ZNF713: variants seen among roughly 807,000 people sequenced by gnomAD.
The protein encoded by ZNF713 is zinc finger protein 713.
Under a neutral mutation model 28.7 loss-of-function variants are expected in ZNF713, and 21 were observed. The ratio of observed to expected loss-of-function variants is 0.73; its 90% confidence interval spans 0.52 to 1.05. ZNF713 has a LOEUF of 1.05. ZNF713 is among the 50% of genes least tolerant of loss of function. The probability of loss-of-function intolerance (pLI) is 0.00; values close to 1 mark genes in which losing one functional copy is unlikely to be tolerated. For synonymous variants in ZNF713, 167 were observed against 178.0 expected, an observed-to-expected ratio of 0.94 and a Z score of 0.49; for missense variants, 458 against 532.4, an observed-to-expected ratio of 0.86 and a Z score of 1.37.
Position 55,939,459 on chromosome 7 carries a change from AGT to A in ZNF713, c.789_790del (p.Cys263TrpfsTer11). On this transcript the variant is annotated frameshift_variant, in exon 7 of 7. Transcript: ENST00000429591. LOFTEE classifies it high-confidence loss of function. ...ATTCATACTGCAGAGAAACCCAGTGAGTGTGGGAAGGCCTTCAGCCACACCTC... is the reference window on the plus strand; with the variant it reads ...ATTCATACTGCAGAGAAACCCAGTGAGTGGGAAGGCCTTCAGCCACACCTC... 1 of 1,614,140 alleles carries A rather than the reference AGT, an allele frequency of 6.2e-7. No homozygotes were observed. The highest frequency in any genetic ancestry group is 2.2e-5 in the East Asian group (1 of 44,888).
intron 2 of ZNF713, among the ~76,000 whole-genome samples, chr7:55,910,945 G>A (rs1409183969): frequency 2.6e-5 from 4 of 152,148 alleles, no homozygotes. Context: ...CCCATCTTGG[G>A]GAAAAACCCG....
chr7:55,937,409 CAG>C (rs1562750377), intron 6 of ZNF713, among the ~76,000 whole-genome samples: 5 of 152,102 alleles, frequency 3.3e-5, no homozygotes, highest in African/African-American at 1.2e-4. Context: ...AGAGTAGAGG[CAG>C]AGAGACTCAT....
chr7:55,887,995 T>C (rs1785310201), intron 1 of ZNF713, among the ~76,000 whole-genome samples: 2 of 151,648 alleles, frequency 1.3e-5, no homozygotes, highest in African/African-American at 4.8e-5. Context: ...TTTGGTCTTT[T>C]ATAGGAAGGT....
rs2116139843 is a variant in ZNF713, at chr7:55,887,562, C to T, written c.-701C>T. The T allele has an allele frequency of 5.5e-6, 1 of 183,214 alleles. No individual in the cohort carries two copies. Among genetic ancestry groups the T allele is most frequent in the Non-Finnish European group, 1.1e-5 (1 of 91,556 alleles). 11.3% of individuals were successfully genotyped at this position (183,214 alleles called of 1,614,324 possible). On this transcript the variant is annotated 5_prime_UTR_variant, in exon 1 of 7. Transcript: ENST00000429591. Reference sequence around the variant, plus strand: ...AGTCACCGGGCGTCATTGGCTCAGGCTGCGGGGCCCTCGGCACCTTCTCCC... The same window carrying T: ...AGTCACCGGGCGTCATTGGCTCAGGTTGCGGGGCCCTCGGCACCTTCTCCC...
At chr7:55,899,739 C>CT (rs1785539496) in intron 1 of ZNF713, among the ~76,000 whole-genome samples, 2 of 151,584 alleles carry the variant, frequency 1.3e-5, no homozygotes, top group Non-Finnish European at 2.9e-5. Context: ...AGTATATATT[C>CT]TTTTTTTGTT....
intron 4 of ZNF713, among the ~76,000 whole-genome samples, chr7:55,916,941 G>A (rs1376302974): frequency 1.3e-5 from 2 of 152,188 alleles, no homozygotes; most frequent in East Asian, 1.9e-4. Flanking sequence ...GCGGCCGGGC[G>A]CAGTGGCTCA....
At chr7:55,925,915 C>T (rs1428506750) in intron 6 of ZNF713, among the ~76,000 whole-genome samples, 1 of 152,162 alleles carries the variant, frequency 6.6e-6, no homozygotes, top group Non-Finnish European at 1.5e-5. Flanking sequence ...CAGAGCTATT[C>T]CTTCCCCCAG....
At chr7:55,938,923 C>T in intron 6 of ZNF713, 59 bp from the exon 7 acceptor site, 1 of 1,487,786 alleles carries the variant, frequency 6.7e-7, no homozygotes, top group Middle Eastern at 1.8e-4. Context: ...ATTTCTTTTT[C>T]AAATCATAGA....
chr7:55,903,659 T>C (rs1785619051), intron 1 of ZNF713, among the ~76,000 whole-genome samples: 1 of 137,074 alleles, frequency 7.3e-6, no homozygotes, highest in Non-Finnish European at 1.5e-5. Flanking sequence ...AGAGCCAGAC[T>C]GTGTCTTAAA....
In ZNF713 at chr7:55,939,923, A is replaced by T. The variant is rs745568229; in HGVS notation, c.1249A>T (p.Arg417Trp). 1 of 1,613,666 alleles carries T rather than the reference A, an allele frequency of 6.2e-7. No homozygotes were observed. Reference protein sequence around the residue: ...FSQSAHLNQHRKIHTREKLCE... With the variant: ...FSQSAHLNQHWKIHTREKLCE... Reference sequence around the variant, plus strand: ...CCAGAGTGCACACCTTAATCAACACAGGAAAATCCATACTCGGGAGAAATT... The same window carrying T: ...CCAGAGTGCACACCTTAATCAACACTGGAAAATCCATACTCGGGAGAAATT... The change falls in exon 7 of 7, where the codon AGG (arginine) becomes TGG (tryptophan). Residue 417 changes from arginine (R) to tryptophan (W), a missense_variant. Physicochemically the swap from Arg to Trp is moderately radical, Grantham distance 101. Coordinates refer to ENST00000429591, the MANE Select transcript of ZNF713 (RefSeq NM_182633.3).
chr7:55,927,969 A>G (rs1584315971), intron 6 of ZNF713, among the ~76,000 whole-genome samples: 1 of 140,168 alleles, frequency 7.1e-6, no homozygotes, highest in South Asian at 2.5e-4. Context: ...GTGGGATTAG[A>G]GGGAAGGACA....
chr7:55,888,293 C>A (rs560897537), intron 1 of ZNF713, among the ~76,000 whole-genome samples: 5 of 152,118 alleles, frequency 3.3e-5, no homozygotes, highest in African/African-American at 1.2e-4. Flanking sequence ...CATTGCCTTG[C>A]TGTTATCCGT....
chr7:55,912,864 C>T lies in ZNF713; in HGVS notation c.87+141C>T. The T allele has an allele frequency of 4.7e-6, 3 of 644,918 alleles. No homozygotes were observed. The South Asian group carries it at 6.1e-5, about 13-fold the overall frequency. The allele number at this position is 644,918 out of a possible 1,614,324, so 39.9% of individuals were successfully genotyped here. A position where few individuals can be genotyped will look rare whatever the true frequency, so the allele number is the denominator to read the frequency against. The stretch of plus-strand genomic sequence containing the variant: ...GTGACAGATGATATACTCTCCACAG[C>T]ATGTTTTCCATTCACCTATGTAGCT... On this transcript the variant is annotated intron_variant, in intron 4 of 6. Transcript: ENST00000429591.
chr7:55,912,605 A>G (rs950242015), intron 3 of ZNF713, 30 bp from the exon 4 acceptor site: 17 of 1,506,868 alleles, frequency 1.1e-5, no homozygotes, highest in African/African-American at 9.6e-5. Flanking sequence ...TTCGTGTCAT[A>G]TATTAACAAG....
In ZNF713 at chr7:55,888,264, A is replaced by G. The variant is rs375253370; in HGVS notation, c.-583+584A>G. The stretch of plus-strand genomic sequence containing the variant: ...TGATATTTGTGGTAAGGGGTTAGGT[A>G]GAGATTACCTTTTTCTCTCATTGCC... On this transcript the variant is annotated intron_variant, in intron 1 of 6. Coordinates refer to ENST00000429591, the MANE Select transcript of ZNF713 (RefSeq NM_182633.3). Among the ~76,000 whole-genome samples the G allele has an allele frequency of 1.9e-4, 29 of 152,280 alleles. No individual in the cohort carries two copies. In the East Asian group the frequency reaches 3.5e-3, roughly 18 times the overall value.
chr7:55,904,463 TA>T (rs71015118), intron 1 of ZNF713, among the ~76,000 whole-genome samples: 2,829 of 41,284 alleles, frequency 0.069, 175 homozygotes, highest in African/African-American at 0.22. Flanking sequence ...ACTGTATCTT[TA>T]AAAAAAAAAA....
chr7:55,925,961 T>A (rs1266326550), intron 6 of ZNF713, among the ~76,000 whole-genome samples: 1 of 152,056 alleles, frequency 6.6e-6, no homozygotes, highest in Admixed American at 6.6e-5. Context: ...CCACACTATC[T>A]CCTATTGTGT....
At chr7:55,928,294 T>C (rs1786141532) in intron 6 of ZNF713, among the ~76,000 whole-genome samples, 1 of 152,160 alleles carries the variant, frequency 6.6e-6, no homozygotes, top group Admixed American at 6.5e-5. Flanking sequence ...AAAGGGTTTA[T>C]AGGACAGGGG....
intron 6 of ZNF713, among the ~76,000 whole-genome samples, chr7:55,938,097 G>A (rs1786389686): frequency 2.0e-5 from 3 of 151,854 alleles, no homozygotes; most frequent in Admixed American, 6.6e-5. Context: ...CCAGCTCCTC[G>A]GGAGGCTGAA....
Sources: gnomAD v4.1 joint callset for allele counts (sites outside exome capture counted in the v4.1 genomes callset) on GRCh38, gnomAD v4.1.1 for gene constraint, MANE v1.5 for transcripts, NCBI Gene and HGNC (gene_info 2026-07-23, HGNC 2026-07-21) for gene names.